SIRPB1: variants seen among roughly 807,000 people sequenced by gnomAD.
SIRPB1 encodes signal regulatory protein beta 1.
SIRPB1 carries 28 observed loss-of-function variants against 34.1 expected under a neutral mutation model. The ratio of observed to expected loss-of-function variants is 0.82; its 90% CI spans 0.61 to 1.12. SIRPB1 has a LOEUF of 1.12. Ranked by LOEUF, SIRPB1 falls within the 50% of genes most tolerant of loss-of-function variation. The probability of loss-of-function intolerance (pLI) is 0.00; values close to 1 mark genes in which losing one functional copy is unlikely to be tolerated. For synonymous variants in SIRPB1, 211 were observed against 203.8 expected (o/e 1.04, Z -0.30); for missense variants, 499 against 507.0 (o/e 0.98, Z 0.15).
intron 4 of SIRPB1, among the ~76,000 whole-genome samples, chr20:1,567,918 G>T (rs987870718): frequency 1.2e-4 from 19 of 152,182 alleles, no homozygotes; most frequent in African/African-American, 4.6e-4. Flanking sequence ...GGAGCCACAG[G>T]GCAGAAGGAA....
At chr20:1,619,316 G>A (rs2091674579) in intron 1 of SIRPB1, among the ~76,000 whole-genome samples, 2 of 152,188 alleles carry the variant, frequency 1.3e-5, no homozygotes, top group African/African-American at 2.4e-5. Context: ...ACAGAGAAAT[G>A]GGTGGTAAGA....
At chr20:1,616,599 G>T (rs1276604051) in intron 1 of SIRPB1, among the ~76,000 whole-genome samples, 2 of 145,830 alleles carry the variant, frequency 1.4e-5, no homozygotes, top group Non-Finnish European at 3.1e-5. Context: ...ATCTAAAAGT[G>T]TAAAAGTACT....
At chr20:1,570,236 G>A (rs2091207267) in intron 4 of SIRPB1, among the ~76,000 whole-genome samples, 1 of 152,236 alleles carries the variant, frequency 6.6e-6, no homozygotes, top group South Asian at 2.1e-4. Context: ...GAGTGGTTGT[G>A]ATTATTGTTG....
chr20:1,567,751 A>T (rs568461413), intron 4 of SIRPB1, among the ~76,000 whole-genome samples: 2 of 152,168 alleles, frequency 1.3e-5, no homozygotes, highest in Non-Finnish European at 2.9e-5. Context: ...TTGAAAACAG[A>T]TTGGGAAATG....
intron 1 of SIRPB1, among the ~76,000 whole-genome samples, chr20:1,612,022 G>A (rs2091574795): frequency 1.4e-5 from 1 of 69,372 alleles, no homozygotes. Context: ...ACAGGGTCTT[G>A]CTCTGTCTGC....
chr20:1,616,453 A>G (rs1412219171), intron 1 of SIRPB1, among the ~76,000 whole-genome samples: 1 of 152,234 alleles, frequency 6.6e-6, no homozygotes, highest in African/African-American at 2.4e-5. Context: ...AAGCAGACAC[A>G]ATTGGGAAAG....
chr20:1,574,558 A>G (rs1348798263), intron 2 of SIRPB1, among the ~76,000 whole-genome samples: 6 of 134,700 alleles, frequency 4.5e-5, no homozygotes, highest in African/African-American at 1.6e-4. Context: ...AGTTTTCCCA[A>G]TGATTCTAAT....
chr20:1,603,978 C>T (rs1212545175), intron 1 of SIRPB1: 1 of 609,842 alleles, frequency 1.6e-6, no homozygotes, highest in Admixed American at 3.0e-5. Context: ...TAGGTACCAT[C>T]CTTGTTTTCT....
At position 1,571,777 on chromosome 20, in the gene SIRPB1, T is replaced by C. The variant is rs150708972; in HGVS notation, c.694A>G (p.Ile232Val). The stretch of plus-strand genomic sequence containing the variant: ...CGAAGAGGGTCCCCCTGCAAGGTGA[T>C]GTGGGCTATCTCGCAGATGACTTGA... ...HSQVICEIAH[I>V]TLQGDPLRGT... The change falls in exon 3 of 6, where the codon ATC (isoleucine) becomes GTC (valine). Residue 232 changes from isoleucine (I) to valine (V), a missense_variant. Coordinates refer to ENST00000381605, the MANE Select transcript of SIRPB1 (RefSeq NM_006065.5). The C allele has an allele frequency of 3.2e-4, 524 of 1,613,810 alleles. 1 individual carries two copies. The Middle Eastern group carries it at 3.5e-3, about 11-fold the overall frequency.
chr20:1,580,195 C>T lies in SIRPB1; in HGVS notation c.77-1501G>A, dbSNP rs536641413. On this transcript the variant is annotated intron_variant, in intron 1 of 5. Transcript: ENST00000381605. The stretch of plus-strand genomic sequence containing the variant: ...TCTGGAGGCTCTGTTTTTTGCCTTT[C>T]CAAATTCTAGAGGTTTCTCCCATCC... Among the ~76,000 whole-genome samples, 1,275 of 148,072 alleles carry T rather than the reference C, an allele frequency of 8.6e-3. 52 individuals are homozygous for T. The highest frequency in any genetic ancestry group is 0.029 in the African/African-American group (1,198 of 40,708).
intron 4 of SIRPB1, among the ~76,000 whole-genome samples, chr20:1,567,830 T>C (rs1243541003): frequency 1.3e-5 from 2 of 152,228 alleles, no homozygotes; most frequent in Non-Finnish European, 2.9e-5. Context: ...AATGAGAAAC[T>C]AAGAGTGATT....
chr20:1,580,119 C>T (rs1265449157), intron 1 of SIRPB1, among the ~76,000 whole-genome samples: 1 of 148,352 alleles, frequency 6.7e-6, no homozygotes, highest in Non-Finnish European at 1.5e-5. Context: ...CCATGTTTTA[C>T]ACCTTCCATG....
chr20:1,577,809 T>C (rs2091338501), intron 2 of SIRPB1, among the ~76,000 whole-genome samples: 1 of 146,436 alleles, frequency 6.8e-6, no homozygotes, highest in Non-Finnish European at 1.5e-5. Context: ...CTCCATGCCC[T>C]GGACGGATTT....
intron 1 of SIRPB1, chr20:1,604,669 T>G (rs1600146580): frequency 2.2e-6 from 1 of 453,568 alleles, no homozygotes; most frequent in African/African-American, 1.3e-4. Context: ...AGAGTAGAGC[T>G]GGATGAGTGG....
chr20:1,611,899 G>A (rs1480855344), intron 1 of SIRPB1, among the ~76,000 whole-genome samples: 1 of 72,490 alleles, frequency 1.4e-5, no homozygotes, highest in East Asian at 5.8e-4. Flanking sequence ...TAATACAAGC[G>A]AGGACACTGA....
intron 4 of SIRPB1, among the ~76,000 whole-genome samples, chr20:1,568,180 A>G (rs1366130687): frequency 6.6e-6 from 1 of 152,202 alleles, no homozygotes; most frequent in East Asian, 1.9e-4. Context: ...AGAAACAGAA[A>G]AGGAAAAGTA....
At chr20:1,616,689 T>C (rs375229762) in intron 1 of SIRPB1, among the ~76,000 whole-genome samples, 1 of 151,868 alleles carries the variant, frequency 6.6e-6, no homozygotes, top group African/African-American at 2.4e-5. Context: ...AAAAGAAAAA[T>C]AGACAAACGG....
At chr20:1,570,325 C>T (rs371496844) in intron 4 of SIRPB1, among the ~76,000 whole-genome samples, 4 of 152,330 alleles carry the variant, frequency 2.6e-5, no homozygotes. Context: ...GCTTAAACTT[C>T]ACTTGTCTTT....
intron 1 of SIRPB1, among the ~76,000 whole-genome samples, chr20:1,617,871 TA>T (rs1005361134): frequency 1.1e-4 from 17 of 152,230 alleles, no homozygotes; most frequent in African/African-American, 4.1e-4. Context: ...GAAACAATGA[TA>T]AAAAATGAAA....
Sources: gnomAD v4.1 joint callset for allele counts (sites outside exome capture counted in the v4.1 genomes callset) on GRCh38, gnomAD v4.1.1 for gene constraint, MANE v1.5 for transcripts, NCBI Gene and HGNC (gene_info 2026-07-23, HGNC 2026-07-21) for gene names.